Variants in TRIP11 observed in about 807,000 individuals in gnomAD.
TRIP11 encodes thyroid hormone receptor interactor 11, also known as thyroid receptor-interacting protein 11.
In TRIP11, 148 loss-of-function variants were observed where a neutral mutation model predicts 223.1. The ratio of observed to expected loss-of-function variants is 0.66; its 90% CI spans 0.58 to 0.76. The LOEUF is 0.76. Among genes scored for constraint, TRIP11 ranks in the 30% least tolerant of loss-of-function variants. The pLI, the probability that TRIP11 is intolerant of heterozygous loss-of-function variation, is 0.00. For missense variants in TRIP11, 2,043 were observed against 2,222.0 expected (o/e 0.92, Z 1.62); for synonymous variants, 762 against 772.6 (o/e 0.99, Z 0.23).
chr14:91,969,400 T>G lies in TRIP11; in HGVS notation c.*273A>C, dbSNP rs978962806. 4 of 448,702 alleles carry G rather than the reference T, an allele frequency of 8.9e-6. No individual in the cohort carries two copies. Among genetic ancestry groups the G allele is most frequent in the Non-Finnish European group, 1.6e-5 (4 of 247,500 alleles). 27.8% of individuals were successfully genotyped at this position (448,702 alleles called of 1,614,324 possible). ...ATAGCTACTAGTATTTTTGTCTGTC[T>G]GTATTTTTGTAAATTAAGGTAAAAG... On this transcript the variant is annotated 3_prime_UTR_variant, in exon 21 of 21. Transcript: ENST00000267622.
At chr14:91,979,764 T>TA (rs1421707342) in intron 16 of TRIP11, among the ~76,000 whole-genome samples, 1 of 152,172 alleles carries the variant, frequency 6.6e-6, no homozygotes, top group Admixed American at 6.5e-5. Context: ...CAAAGGTCCC[T>TA]ACAGATGCCT....
chr14:92,003,359 C>T (rs2056851806), intron 11 of TRIP11, 60 bp downstream of exon 11: 4 of 1,594,072 alleles, frequency 2.5e-6, no homozygotes, highest in Non-Finnish European at 3.4e-6. Flanking sequence ...AATGAAATAA[C>T]ATTAAAAAAA....
chr14:92,026,554 G>A, intron 2 of TRIP11: 1 of 1,261,608 alleles, frequency 7.9e-7, no homozygotes, highest in Non-Finnish European at 1.2e-6. Flanking sequence ...CGGATCACTG[G>A]CGTGCCCTAC....
Position 92,000,024 on chromosome 14 carries a change from G to A in TRIP11, c.4642C>T (p.Gln1548Ter). ...KTVVFQQERD[Q>*]VMLALKQKQM... is the part of the protein sequence containing the mutation. ...TTTTGTTTCAGGGCCAACATGACTT[G>A]GTCTCTCTCCTGTTGAAACACAACT... is the stretch of plus-strand genomic sequence containing the variant. The change falls in exon 12 of 21, where the codon CAA (glutamine) becomes TAA (stop). Residue 1548 changes from glutamine to a stop codon, truncating the protein, a stop_gained. Transcript: ENST00000267622. LOFTEE classifies it high-confidence loss of function. 6.2e-7 allele frequency: 1 copy of A among 1,613,714 alleles called. No individual in the cohort carries two copies. The highest frequency in any genetic ancestry group is 2.2e-5 in the East Asian group (1 of 44,832).
chr14:92,012,988 G>C (rs1358793562), intron 7 of TRIP11, among the ~76,000 whole-genome samples: 2 of 152,204 alleles, frequency 1.3e-5, no homozygotes, highest in African/African-American at 4.8e-5. Flanking sequence ...TAACTCTTCA[G>C]CTGGGGGCGG....
chr14:92,021,346 G>C (rs1047813325), intron 4 of TRIP11, among the ~76,000 whole-genome samples: 1 of 147,496 alleles, frequency 6.8e-6, no homozygotes, highest in East Asian at 2.0e-4. Context: ...CCAAGATCAC[G>C]CTACTACACT....
chr14:91,989,143 A>C (rs10129733), intron 15 of TRIP11, among the ~76,000 whole-genome samples: 44,222 of 152,140 alleles, frequency 0.29, 6,657 homozygotes, highest in Middle Eastern at 0.34. Flanking sequence ...TCCAGATTTT[A>C]TTACAAGATA....
At chr14:91,980,830 A>C (rs534147767) in intron 16 of TRIP11, among the ~76,000 whole-genome samples, 4 of 151,742 alleles carry the variant, frequency 2.6e-5, no homozygotes, top group East Asian at 1.9e-4. Flanking sequence ...GGATACCTTA[A>C]AACTAAATTT....
chr14:92,021,388 C>CAAA (rs35038594), intron 4 of TRIP11, among the ~76,000 whole-genome samples, 168 bp downstream of exon 4: 3 of 109,536 alleles, frequency 2.7e-5, no homozygotes, highest in African/African-American at 3.0e-5. Flanking sequence ...GATTCTGTCT[C>CAAA]AAAAAAAAAA....
intron 5 of TRIP11, among the ~76,000 whole-genome samples, chr14:92,017,005 G>A (rs2057042774): frequency 6.6e-6 from 1 of 152,054 alleles, no homozygotes; most frequent in East Asian, 1.9e-4. Context: ...TACCGCTAAG[G>A]TAAAATAAGT....
chr14:91,974,602 A>C (rs746853755), intron 19 of TRIP11, 25 bp downstream of exon 19: 1 of 1,537,244 alleles, frequency 6.5e-7, no homozygotes, highest in Non-Finnish European at 9.0e-7. Context: ...TATTCACCTT[A>C]AGCAAGAATA....
intron 2 of TRIP11, 97 bp downstream of exon 2, chr14:92,033,095 T>C (rs2057286414): frequency 3.3e-6 from 3 of 905,154 alleles, no homozygotes; most frequent in Non-Finnish European, 5.4e-6. Context: ...AAAAAAGTGC[T>C]AAGCAGTACA....
At chr14:92,038,164 A>C (rs116666988) in intron 1 of TRIP11, among the ~76,000 whole-genome samples, 1,733 of 152,330 alleles carry the variant, frequency 0.011, 31 homozygotes, top group South Asian at 0.037. Context: ...CAGTTTAGGA[A>C]ACTGAGAGTG....
chr14:92,004,622 T>C lies in TRIP11; in HGVS notation c.3354A>G (p.Glu1118=), dbSNP rs762506155. The C allele has an allele frequency of 3.1e-6, 5 of 1,614,076 alleles. No individual in the cohort carries two copies. The highest frequency in any genetic ancestry group is 4.2e-6 in the Non-Finnish European group (5 of 1,180,044). The part of the protein sequence containing the change: ...KTRENSHLKT[E]YHKMMDIVAA... ...CAACAATATCCATCATTTTGTGATA[T>C]TCTGTTTTTAGATGGCTATTTTCCC... Residue 1118 remains glutamate, a synonymous_variant, in exon 11 of 21, where the codon GAA becomes GAG. Transcript: ENST00000267622.
chr14:91,992,968 C>T (rs540035905), intron 15 of TRIP11, among the ~76,000 whole-genome samples: 3 of 131,972 alleles, frequency 2.3e-5, no homozygotes, highest in Non-Finnish European at 3.2e-5. Flanking sequence ...TCTAAAAGCA[C>T]GTTGTTTTGG....
At chr14:91,985,178 T>G (rs1479182617) in intron 16 of TRIP11, among the ~76,000 whole-genome samples, 1 of 152,150 alleles carries the variant, frequency 6.6e-6, no homozygotes, top group African/African-American at 2.4e-5. Context: ...TGTCTTATGA[T>G]CACTGTTGTG....
Position 92,006,137 on chromosome 14 carries a change from A to C in TRIP11, c.1839T>G (p.Ile613Met), listed in dbSNP as rs761536255. 1 of 1,612,556 alleles carries C rather than the reference A, an allele frequency of 6.2e-7. No homozygotes were observed. The highest frequency in any genetic ancestry group is 1.1e-5 in the South Asian group (1 of 90,666). ...QKENLELKEH[I>M]RQNEEELSRI... The stretch of plus-strand genomic sequence containing the variant: ...TAGAAAGCTCCTCCTCATTTTGTCT[A>C]ATATGCTCCTTAAGTTCTAAATTCT... The change falls in exon 11 of 21, where the codon ATT becomes ATG. Residue 613 changes from isoleucine (I) to methionine (M), a missense_variant. By Grantham distance (10) the Ile-to-Met change is conservative. Coordinates refer to ENST00000267622, the MANE Select transcript of TRIP11 (RefSeq NM_004239.4).
In TRIP11 at chr14:91,969,817, AAG is replaced by A. The variant is rs758003701; in HGVS notation, c.5794_5795del (p.Leu1932TyrfsTer2). Reference protein sequence around the residue: ...FLAPRSAAVPLINPAGLGPGG... With the variant: ...FLAPRSAAVPXINPAGLGPGG... ...CAGGTCCAAGTCCAGCTGGGTTAATAAGAGGTACAGCTGCCGAGCGAGGAGCC... is the reference window on the plus strand; with the variant it reads ...CAGGTCCAAGTCCAGCTGGGTTAATAAGGTACAGCTGCCGAGCGAGGAGCC... On this transcript the variant is annotated frameshift_variant, in exon 21 of 21. Coordinates refer to ENST00000267622, the MANE Select transcript of TRIP11 (RefSeq NM_004239.4). LOFTEE classifies it high-confidence loss of function. The A allele has an allele frequency of 2.5e-6, 4 of 1,614,230 alleles. No individual in the cohort carries two copies. In the South Asian group the frequency reaches 4.4e-5, roughly 18 times the overall value.
chr14:91,995,229 C>G lies in TRIP11; in HGVS notation c.5056+123G>C, dbSNP rs1349880350. The stretch of plus-strand genomic sequence containing the variant: ...ACTTTTTGATGGCTACTCACCCTTC[C>G]CCTCTACCAGTGGGTAACCTTTCAG... On this transcript the variant is annotated intron_variant, in intron 14 of 20. Coordinates refer to ENST00000267622, the MANE Select transcript of TRIP11 (RefSeq NM_004239.4). 2.7e-6 allele frequency: 3 copies of G among 1,124,108 alleles called. No individual in the cohort carries two copies. The Admixed American group carries it at 5.5e-5, about 21-fold the overall frequency. 69.6% of individuals were successfully genotyped at this position (1,124,108 alleles called of 1,614,324 possible). A position where few individuals can be genotyped will look rare whatever the true frequency, so the allele number is the denominator to read the frequency against.
Sources: allele counts gnomAD v4.1 joint callset (sites outside exome capture counted in the v4.1 genomes callset), GRCh38; gene constraint gnomAD v4.1.1; transcripts MANE v1.5; gene names NCBI Gene and HGNC (gene_info 2026-07-23, HGNC 2026-07-21).